The following SAMD12 variants were observed in gnomAD, a reference collection of about 807,000 sequenced individuals.
The protein encoded by SAMD12 is sterile alpha motif domain-containing protein 12.
A neutral mutation model predicts 15.0 loss-of-function variants in SAMD12; 9 were observed. That is an observed-to-expected ratio of 0.60 (90% CI 0.36 to 1.05). The LOEUF (loss-of-function observed/expected upper bound fraction) is 1.05, where lower values mean the gene tolerates loss of function less well. Among genes scored for constraint, SAMD12 ranks in the 50% least tolerant of loss-of-function variants. The pLI, the probability that SAMD12 is intolerant of heterozygous loss-of-function variation, is 0.01. For synonymous variants in SAMD12, 86 were observed against 90.1 expected (o/e 0.96, Z 0.25); for missense variants, 230 against 234.2 (o/e 0.98, Z 0.12).
At chr8:118,461,782 A>T (rs1183035801) in intron 2 of SAMD12, among the ~76,000 whole-genome samples, 9 of 152,214 alleles carry the variant, frequency 5.9e-5, no homozygotes, top group African/African-American at 2.2e-4. Flanking sequence ...TCACCTAAGA[A>T]ATATGCAAGC....
chr8:118,254,048 C>T (rs935637602), intron 4 of SAMD12, among the ~76,000 whole-genome samples: 1 of 152,092 alleles, frequency 6.6e-6, no homozygotes, highest in Non-Finnish European at 1.5e-5. Context: ...GCAACCACCA[C>T]CATAACAATA....
At chr8:118,311,895 T>C (rs1815650542) in intron 4 of SAMD12, among the ~76,000 whole-genome samples, 1 of 152,168 alleles carries the variant, frequency 6.6e-6, no homozygotes, top group African/African-American at 2.4e-5. Context: ...ACAGTGTCAA[T>C]TATTGCTGGT....
At chr8:118,420,745 A>T (rs186300506) in intron 3 of SAMD12, among the ~76,000 whole-genome samples, 1 of 152,126 alleles carries the variant, frequency 6.6e-6, no homozygotes, top group Admixed American at 6.5e-5. Flanking sequence ...TTAGTATGTA[A>T]AAAGGAAAAA....
intron 1 of SAMD12, among the ~76,000 whole-genome samples, chr8:118,608,839 T>C (rs1277960609): frequency 1.3e-5 from 2 of 152,136 alleles, no homozygotes; most frequent in Non-Finnish European, 2.9e-5. Flanking sequence ...AAGAACAGCC[T>C]AAACAAAGAC....
At chr8:118,215,483 CTTTAAG>C (rs1293858847) in intron 4 of SAMD12, among the ~76,000 whole-genome samples, 2 of 151,176 alleles carry the variant, frequency 1.3e-5, no homozygotes, top group African/African-American at 2.4e-5. Flanking sequence ...TTTTATTACA[CTTTAAG>C]TTTTAGGGTA....
chr8:118,552,881 C>T (rs938044085), intron 2 of SAMD12, among the ~76,000 whole-genome samples: 2 of 151,656 alleles, frequency 1.3e-5, no homozygotes, highest in African/African-American at 2.4e-5. Flanking sequence ...TTCTTATACA[C>T]CAATAACAGA....
At chr8:118,440,678 AC>A (rs1822719637) in intron 2 of SAMD12, among the ~76,000 whole-genome samples, 1 of 149,274 alleles carries the variant, frequency 6.7e-6, no homozygotes, top group African/African-American at 2.5e-5. Flanking sequence ...ACACACACAC[AC>A]ACACACACAC....
the SAMD12 span, among the ~76,000 whole-genome samples, chr8:118,157,389 C>G: frequency 1.3e-5 from 2 of 152,076 alleles, no homozygotes; most frequent in African/African-American, 4.8e-5. Context: ...AACACCAATA[C>G]CAGGATAATG....
chr8:118,236,096 T>C (rs1269272273), intron 4 of SAMD12, among the ~76,000 whole-genome samples: 1 of 152,206 alleles, frequency 6.6e-6, no homozygotes, highest in Non-Finnish European at 1.5e-5. Flanking sequence ...CCTCAATTAA[T>C]GAATATTCGC....
chr8:118,268,255 G>A (rs1055812340), intron 4 of SAMD12, among the ~76,000 whole-genome samples: 11 of 152,000 alleles, frequency 7.2e-5, no homozygotes, highest in Non-Finnish European at 1.3e-4. Flanking sequence ...TATCACACAC[G>A]TTCTCCTTCC....
chr8:118,578,167 A>C (rs949889462), intron 2 of SAMD12, among the ~76,000 whole-genome samples: 1 of 152,118 alleles, frequency 6.6e-6, no homozygotes, highest in Admixed American at 6.5e-5. Flanking sequence ...TTCTACTTTA[A>C]AATATTATCA....
At chr8:118,372,828 A>C (rs1819175775) in intron 4 of SAMD12, among the ~76,000 whole-genome samples, 1 of 152,154 alleles carries the variant, frequency 6.6e-6, no homozygotes, top group Non-Finnish European at 1.5e-5. Flanking sequence ...CATTTAGTGG[A>C]ATACTCAGCA....
chr8:118,578,567 C>T (rs748892160), intron 2 of SAMD12, among the ~76,000 whole-genome samples: 2 of 152,062 alleles, frequency 1.3e-5, no homozygotes, highest in Non-Finnish European at 2.9e-5. Flanking sequence ...AAAGAGAAGA[C>T]GGCTTACAAC....
chr8:118,242,689 A>C (rs1812599909), intron 4 of SAMD12, among the ~76,000 whole-genome samples: 1 of 152,078 alleles, frequency 6.6e-6, no homozygotes, highest in Non-Finnish European at 1.5e-5. Context: ...AAACAGAAAA[A>C]AAAGGCATGA....
chr8:118,188,849 C>T (rs1331803435), downstream of SAMD12, among the ~76,000 whole-genome samples: 2 of 152,134 alleles, frequency 1.3e-5, no homozygotes, highest in East Asian at 1.9e-4. Flanking sequence ...CGGATGTTTG[C>T]CGCACTAGAG....
At chr8:118,276,141 T>C (rs1813469046) in intron 4 of SAMD12, among the ~76,000 whole-genome samples, 1 of 152,234 alleles carries the variant, frequency 6.6e-6, no homozygotes, top group Non-Finnish European at 1.5e-5. Flanking sequence ...CTCCAGTTGT[T>C]GGAATAGTGT....
intron 4 of SAMD12, among the ~76,000 whole-genome samples, chr8:118,371,166 C>T (rs750245743): frequency 2.0e-5 from 3 of 152,102 alleles, no homozygotes; most frequent in Non-Finnish European, 2.9e-5. Context: ...AAAGTTAATA[C>T]ATCCATGAAA....
intron 3 of SAMD12, among the ~76,000 whole-genome samples, chr8:118,413,362 T>C (rs1821513340): frequency 6.6e-6 from 1 of 152,214 alleles, no homozygotes; most frequent in African/African-American, 2.4e-5. Flanking sequence ...TAGAGTTGTG[T>C]GGACTGTCTC....
chr8:118,564,788 A>T (rs1484490835), intron 2 of SAMD12, among the ~76,000 whole-genome samples: 1 of 152,198 alleles, frequency 6.6e-6, no homozygotes, highest in Non-Finnish European at 1.5e-5. Flanking sequence ...ATGAAAGTTT[A>T]TTTCTTGCTT....
Sources: gnomAD v4.1 joint callset for allele counts (sites outside exome capture counted in the v4.1 genomes callset) on GRCh38, gnomAD v4.1.1 for gene constraint, MANE v1.5 for transcripts, NCBI Gene and HGNC (gene_info 2026-07-23, HGNC 2026-07-21) for gene names.